Variants in AREL1 observed in about 807,000 individuals in gnomAD.
The protein encoded by AREL1 is apoptosis-resistant E3 ubiquitin protein ligase 1.
A neutral mutation model predicts 99.0 loss-of-function variants in AREL1; 62 were observed. That is an observed-to-expected ratio of 0.63 (90% CI 0.51 to 0.77). AREL1 has a LOEUF of 0.77. Among genes scored for constraint, AREL1 ranks in the 30% least tolerant of loss-of-function variants. The pLI, the probability that AREL1 is intolerant of heterozygous loss-of-function variation, is 0.00. For synonymous variants in AREL1, 380 were observed against 376.5 expected (o/e 1.01, Z -0.11); for missense variants, 879 against 1,027.6 (o/e 0.86, Z 1.98).
In AREL1 at chr14:74,666,750, T is replaced by TA. The variant is rs532472268; in HGVS notation, c.2103+568dup. Among the ~76,000 whole-genome samples, 515 of 151,032 alleles carry TA rather than the reference T, an allele frequency of 3.4e-3. 7 individuals are homozygous for TA. The highest frequency in any genetic ancestry group is 0.012 in the African/African-American group (483 of 41,022). Reference sequence around the variant, plus strand: ...TTTTTTTTTTTTTGAGACAGAGTCTTACTCTGTTGCCCAGGCTGGAATGCA... The same window carrying TA: ...TTTTTTTTTTTTTGAGACAGAGTCTTAACTCTGTTGCCCAGGCTGGAATGCA... On this transcript the variant is annotated intron_variant, in intron 17 of 19. Transcript: ENST00000356357.
In AREL1 at chr14:74,672,939, G is replaced by C; in HGVS notation, c.1314C>G (p.Thr438=). Residue 438 remains threonine (T), a synonymous_variant, in exon 11 of 20, where the codon ACC becomes ACG. Transcript: ENST00000356357. ...SLHKNIGGSE[T]FQDKVNFFQR... ...GGAAAAAGTTCACCTTGTCCTGAAAGGTCTCAGAGCCTCCTGGGGAACAGC... is the reference window on the plus strand; with the variant it reads ...GGAAAAAGTTCACCTTGTCCTGAAACGTCTCAGAGCCTCCTGGGGAACAGC... 1 of 1,614,104 alleles carries C rather than the reference G, an allele frequency of 6.2e-7. No homozygotes were observed. Among genetic ancestry groups the C allele is most frequent in the Non-Finnish European group, 8.5e-7 (1 of 1,180,002 alleles).
In AREL1 at chr14:74,670,091, G is replaced by C. The variant is rs745831533; in HGVS notation, c.1644C>G (p.Arg548=). 44 of 1,613,074 alleles carry C rather than the reference G, an allele frequency of 2.7e-5. 1 individual carries two copies. The South Asian group carries it at 4.7e-4, about 17-fold the overall frequency. ...HPNPNRPAHL[R]LKMYEFAGRL... The stretch of plus-strand genomic sequence containing the variant: ...GTCCCGCAAACTCATACATTTTCAG[G>C]CGCAGATGAGCGGGGCGATTAGGGT... The change falls in exon 14 of 20, where the codon CGC becomes CGG. Residue 548 remains arginine (R), a synonymous_variant. Transcript: ENST00000356357.
At chr14:74,711,296 T>C (rs959997039) in intron 1 of AREL1, among the ~76,000 whole-genome samples, 1 of 150,452 alleles carries the variant, frequency 6.6e-6, no homozygotes, top group African/African-American at 2.5e-5. Context: ...TCCCAGAACT[T>C]TGGGAGGCCG....
chr14:74,665,410 C>A (rs2089193155), intron 17 of AREL1, among the ~76,000 whole-genome samples: 1 of 151,880 alleles, frequency 6.6e-6, no homozygotes, highest in South Asian at 2.1e-4. Context: ...TTCTGATGAA[C>A]ACCCTAAGAA....
At chr14:74,681,711 A>G (rs1291279984) in intron 5 of AREL1, among the ~76,000 whole-genome samples, 1 of 151,638 alleles carries the variant, frequency 6.6e-6, no homozygotes, top group African/African-American at 2.4e-5. Flanking sequence ...TGGAGGTTGC[A>G]GTGAGCCAAG....
At chr14:74,669,560 T>C in intron 15 of AREL1, 89 bp downstream of exon 15, 2 of 1,490,136 alleles carry the variant, frequency 1.3e-6, no homozygotes. Context: ...TATGGAACAT[T>C]TCCACCACTG....
In AREL1 at chr14:74,667,533, TAGA is replaced by T. The variant is rs759474118; in HGVS notation, c.1973_1975del (p.Phe658del). On this transcript the variant is annotated inframe_deletion, in exon 16 of 20. Transcript: ENST00000356357. ...CCGATATTGGGCCAGCAAATTTAAATAGAAGATTTTATTCGCATTGGTGACTGG... is the reference window on the plus strand; with the variant it reads ...CCGATATTGGGCCAGCAAATTTAAATAGATTTTATTCGCATTGGTGACTGG... 1.2e-6 allele frequency: 2 copies of T among 1,613,808 alleles called. No homozygotes were observed. Among genetic ancestry groups the T allele is most frequent in the Non-Finnish European group, 1.7e-6 (2 of 1,179,916 alleles).
At chr14:74,676,083 A>G (rs1754374223) in intron 7 of AREL1, 58 bp downstream of exon 7, 1 of 1,580,262 alleles carries the variant, frequency 6.3e-7, no homozygotes, top group Non-Finnish European at 8.6e-7. Flanking sequence ...AAAAGAGTGC[A>G]AACAGGCAAA....
chr14:74,707,959 GAAAAAA>G (rs1186322099), intron 1 of AREL1, among the ~76,000 whole-genome samples: 2 of 57,644 alleles, frequency 3.5e-5, no homozygotes, highest in Admixed American at 2.0e-4. Context: ...CTTCGCCTCA[GAAAAAA>G]AAAAAAAAAA....
chr14:74,699,348 GGT>G (rs770359342), intron 1 of AREL1, among the ~76,000 whole-genome samples: 48 of 143,556 alleles, frequency 3.3e-4, no homozygotes, highest in South Asian at 1.8e-3. Flanking sequence ...GACAGTGAGG[GGT>G]GTGTGTGTGT....
At chr14:74,704,799 T>G (rs1156897849) in intron 1 of AREL1, among the ~76,000 whole-genome samples, 14 of 152,142 alleles carry the variant, frequency 9.2e-5, no homozygotes, top group Admixed American at 8.5e-4. Context: ...TAGTTTGTGG[T>G]TTTTGTGTTC....
Position 74,663,603 on chromosome 14 carries a change from G to A in AREL1, c.*117C>T. On this transcript the variant is annotated 3_prime_UTR_variant, in exon 20 of 20. Coordinates refer to ENST00000356357, the MANE Select transcript of AREL1 (RefSeq NM_001039479.2). The stretch of plus-strand genomic sequence containing the variant: ...GACAAAATCCTCCAGACACAGGGGA[G>A]CATGCGGCATCTTCTGGCTGATGGT... 9.6e-7 allele frequency: 1 copy of A among 1,043,976 alleles called. No individual in the cohort carries two copies. Among genetic ancestry groups the A allele is most frequent in the East Asian group, 2.4e-5 (1 of 41,970 alleles). 64.7% of individuals were successfully genotyped at this position (1,043,976 alleles called of 1,614,324 possible).
At chr14:74,685,338 G>A (rs896398828) in intron 3 of AREL1, among the ~76,000 whole-genome samples, 6 of 152,032 alleles carry the variant, frequency 3.9e-5, no homozygotes, top group Admixed American at 3.9e-4. Context: ...TCCCCTTTAT[G>A]TTATGAATGC....
chr14:74,702,130 C>T (rs2090096860), intron 1 of AREL1, among the ~76,000 whole-genome samples: 1 of 152,224 alleles, frequency 6.6e-6, no homozygotes, highest in Admixed American at 6.5e-5. Flanking sequence ...ATCTACCACT[C>T]TGGGGTCTGG....
At chr14:74,677,138 T>C (rs939929381) in intron 5 of AREL1, among the ~76,000 whole-genome samples, 2 of 151,516 alleles carry the variant, frequency 1.3e-5, no homozygotes, top group African/African-American at 2.4e-5. Flanking sequence ...GGCACAAAGA[T>C]CTGCTCAGTG....
In AREL1 at chr14:74,685,580, G is replaced by A; in HGVS notation, c.16+20C>T. On this transcript the variant is annotated intron_variant, in intron 3 of 19. Coordinates refer to ENST00000356357, the MANE Select transcript of AREL1 (RefSeq NM_001039479.2). Reference sequence around the variant, plus strand: ...AACCTTTACAAAAATATAATAGAGAGAGCTCTTTCCATAACGTACCAATAA... The same window carrying A: ...AACCTTTACAAAAATATAATAGAGAAAGCTCTTTCCATAACGTACCAATAA... The A allele has an allele frequency of 6.2e-7, 1 of 1,613,856 alleles. No individual in the cohort carries two copies. Among genetic ancestry groups the A allele is most frequent in the Non-Finnish European group, 8.5e-7 (1 of 1,179,814 alleles).
chr14:74,680,161 G>A (rs1226719079), intron 5 of AREL1, among the ~76,000 whole-genome samples: 1 of 148,346 alleles, frequency 6.7e-6, no homozygotes, highest in Non-Finnish European at 1.5e-5. Flanking sequence ...GCCTGGGCAA[G>A]AGCAAGGATG....
At chr14:74,688,019 C>CTTTTT (rs764034669) in intron 2 of AREL1, among the ~76,000 whole-genome samples, 11 of 108,704 alleles carry the variant, frequency 1.0e-4, no homozygotes, top group Non-Finnish European at 1.7e-4. Context: ...TGAGTACTTA[C>CTTTTT]TTTTTTTTTT....
chr14:74,695,991 G>C (rs968798045), intron 1 of AREL1, among the ~76,000 whole-genome samples: 21 of 152,194 alleles, frequency 1.4e-4, no homozygotes, highest in Non-Finnish European at 1.5e-5. Context: ...GAGAATCCAA[G>C]TTAAGAGTCA....
Sources: allele counts gnomAD v4.1 joint callset (sites outside exome capture counted in the v4.1 genomes callset), GRCh38; gene constraint gnomAD v4.1.1; transcripts MANE v1.5; gene names NCBI Gene and HGNC (gene_info 2026-07-23, HGNC 2026-07-21).